The following PPP2R2B variants were observed in gnomAD, a reference collection of about 807,000 sequenced individuals.
The protein encoded by PPP2R2B is protein phosphatase 2 regulatory subunit Bbeta, also known as serine/threonine-protein phosphatase 2A 55 kDa regulatory subunit B beta isoform.
PPP2R2B carries 5 observed loss-of-function variants against 46.0 expected under a neutral mutation model. That is an observed-to-expected ratio of 0.11 (90% CI 0.06 to 0.23). The LOEUF (loss-of-function observed/expected upper bound fraction) is 0.23. PPP2R2B is among the 10% of genes least tolerant of loss of function. PPP2R2B has a pLI of 1.00. For missense variants in PPP2R2B, 367 were observed against 575.0 expected (o/e 0.64, Z 3.70); for synonymous variants, 215 against 206.7 (o/e 1.04, Z -0.34).
At chr5:147,030,199 G>A (rs1049551728) in intron 1 of PPP2R2B, among the ~76,000 whole-genome samples, 2 of 151,948 alleles carry the variant, frequency 1.3e-5, no homozygotes, top group Non-Finnish European at 2.9e-5. Flanking sequence ...TTGATGTTTT[G>A]ACCCTCTGTA....
chr5:146,994,341 T>C (rs1167305168), intron 1 of PPP2R2B, among the ~76,000 whole-genome samples: 2 of 152,046 alleles, frequency 1.3e-5, no homozygotes, highest in East Asian at 1.9e-4. Context: ...ATTCAACCTA[T>C]ATTTCGTGAG....
At chr5:146,835,728 T>A (rs897165318) in intron 2 of PPP2R2B, among the ~76,000 whole-genome samples, 43 of 152,278 alleles carry the variant, frequency 2.8e-4, no homozygotes, top group African/African-American at 1.0e-3. Flanking sequence ...ACGCTTCCTC[T>A]CCAGCTTACA....
Position 146,608,099 on chromosome 5 carries a change from C to T in PPP2R2B, c.791-7639G>A, listed in dbSNP as rs375892368. On this transcript the variant is annotated intron_variant, in intron 7 of 9. Transcript: ENST00000394411. ...GTTGTGAGTCAGACTTGGCTGTATG[C>T]CATAGTTTGCTGAGCCCTGATAATG... Among the ~76,000 whole-genome samples, 19 of 152,214 alleles carry T rather than the reference C, an allele frequency of 1.2e-4. No homozygotes were observed. The South Asian group carries it at 3.7e-3, about 30-fold the overall frequency.
chr5:146,930,523 G>T (rs550085481), intron 1 of PPP2R2B, among the ~76,000 whole-genome samples: 54 of 152,256 alleles, frequency 3.5e-4, no homozygotes, highest in Non-Finnish European at 7.1e-4. Context: ...GGAAGAGAGA[G>T]GCAATGATCA....
chr5:146,984,071 A>G (rs947248602), intron 1 of PPP2R2B, among the ~76,000 whole-genome samples: 4 of 152,216 alleles, frequency 2.6e-5, no homozygotes, highest in Non-Finnish European at 5.9e-5. Flanking sequence ...CCCCTCAAAT[A>G]CTTGTCATTT....
At chr5:146,903,689 T>C (rs1762911811) in intron 1 of PPP2R2B, among the ~76,000 whole-genome samples, 2 of 152,178 alleles carry the variant, frequency 1.3e-5, no homozygotes, top group African/African-American at 4.8e-5. Flanking sequence ...TGAGCCACCA[T>C]GCCCAGTCAA....
chr5:146,999,228 T>C (rs1386542852), intron 1 of PPP2R2B, among the ~76,000 whole-genome samples: 1 of 152,034 alleles, frequency 6.6e-6, no homozygotes, highest in African/African-American at 2.4e-5. Context: ...AATTCTACAG[T>C]AGAATAAAGA....
intron 2 of PPP2R2B, among the ~76,000 whole-genome samples, chr5:146,870,860 T>C (rs920679214): frequency 1.3e-5 from 2 of 152,214 alleles, no homozygotes; most frequent in Non-Finnish European, 2.9e-5. Flanking sequence ...AAAGTCTGAC[T>C]ACCCCCATAC....
intron 2 of PPP2R2B, among the ~76,000 whole-genome samples, chr5:146,711,925 A>T (rs1476392231): frequency 6.6e-6 from 1 of 152,220 alleles, no homozygotes. Flanking sequence ...AACTCAAGGA[A>T]ACACATCTCA....
chr5:147,060,662 A>C (rs933808795), upstream of PPP2R2B, among the ~76,000 whole-genome samples: 1 of 152,062 alleles, frequency 6.6e-6, no homozygotes, highest in Non-Finnish European at 1.5e-5. Flanking sequence ...AAACAAAACA[A>C]AACAAAAAAA....
intron 4 of PPP2R2B, among the ~76,000 whole-genome samples, chr5:146,692,109 CTTGT>C (rs1455315453): frequency 1.3e-5 from 2 of 152,196 alleles, no homozygotes; most frequent in Non-Finnish European, 1.5e-5. Flanking sequence ...TTCTATCTAT[CTTGT>C]TTATCACTGT....
At chr5:146,907,716 T>G (rs1763047615) in intron 1 of PPP2R2B, among the ~76,000 whole-genome samples, 2 of 152,264 alleles carry the variant, frequency 1.3e-5, no homozygotes, top group Admixed American at 1.3e-4. Flanking sequence ...AGTTTTTGTC[T>G]TTTCCCATAC....
intron 2 of PPP2R2B, among the ~76,000 whole-genome samples, chr5:147,078,265 T>C (rs946345674): frequency 1.3e-5 from 2 of 152,224 alleles, no homozygotes; most frequent in Non-Finnish European, 2.9e-5. Context: ...GCCAATGCTG[T>C]ATCTGTATTA....
At chr5:146,821,600 T>C (rs1758265718) in intron 2 of PPP2R2B, among the ~76,000 whole-genome samples, 1 of 152,178 alleles carries the variant, frequency 6.6e-6, no homozygotes, top group Non-Finnish European at 1.5e-5. Flanking sequence ...ACCTCAGTCA[T>C]CTCTTACTAG....
At chr5:146,999,352 TAGACC>T (rs1386949601) in intron 1 of PPP2R2B, among the ~76,000 whole-genome samples, 1 of 152,196 alleles carries the variant, frequency 6.6e-6, no homozygotes, top group Non-Finnish European at 1.5e-5. Flanking sequence ...AATATTGCAT[TAGACC>T]AGATCTGAAT....
intron 1 of PPP2R2B, among the ~76,000 whole-genome samples, chr5:147,014,879 G>A (rs1485470193): frequency 6.6e-6 from 1 of 151,260 alleles, no homozygotes; most frequent in Non-Finnish European, 1.5e-5. Flanking sequence ...AAACTTAAAA[G>A]TATAATAAAA....
intron 1 of PPP2R2B, among the ~76,000 whole-genome samples, chr5:147,041,198 A>C: frequency 6.6e-6 from 1 of 152,120 alleles, no homozygotes; most frequent in East Asian, 1.9e-4. Context: ...GCAGGATCTA[A>C]AAAGGGCTTC....
intron 2 of PPP2R2B, among the ~76,000 whole-genome samples, chr5:146,758,338 G>A (rs1215721774): frequency 6.6e-6 from 1 of 151,944 alleles, no homozygotes; most frequent in Non-Finnish European, 1.5e-5. Context: ...TGTGATCTGG[G>A]GCAAGAACCC....
At chr5:146,786,342 A>G (rs1755836481) in intron 2 of PPP2R2B, among the ~76,000 whole-genome samples, 1 of 152,136 alleles carries the variant, frequency 6.6e-6, no homozygotes, top group Non-Finnish European at 1.5e-5. Context: ...CTTTAAATGC[A>G]TTATCATGGT....
Sources: allele counts gnomAD v4.1 joint callset (sites outside exome capture counted in the v4.1 genomes callset), GRCh38; gene constraint gnomAD v4.1.1; transcripts MANE v1.5; gene names NCBI Gene and HGNC (gene_info 2026-07-23, HGNC 2026-07-21).